Variants in SUGCT observed in about 807,000 individuals in gnomAD.
SUGCT encodes succinyl-CoA:glutarate-CoA transferase.
Under a neutral mutation model 55.0 loss-of-function variants are expected in SUGCT, and 41 were observed. That is an observed-to-expected ratio of 0.74 (90% CI 0.58 to 0.97). The LOEUF (loss-of-function observed/expected upper bound fraction) is 0.97. SUGCT is among the 50% of genes least tolerant of loss of function. The probability of loss-of-function intolerance (pLI) is 0.00; values close to 1 mark genes in which losing one functional copy is unlikely to be tolerated. For synonymous variants in SUGCT, 187 were observed against 200.4 expected (o/e 0.93, Z 0.56); for missense variants, 568 against 547.8 (o/e 1.04, Z -0.37).
chr7:40,631,330 T>C (rs1799779888), intron 12 of SUGCT, among the ~76,000 whole-genome samples: 1 of 152,214 alleles, frequency 6.6e-6, no homozygotes, highest in South Asian at 2.1e-4. Context: ...AGCTTGGCTG[T>C]GTATGGACGG....
chr7:40,151,923 C>T (rs1481867747), intron 1 of SUGCT, among the ~76,000 whole-genome samples: 3 of 152,032 alleles, frequency 2.0e-5, no homozygotes, highest in African/African-American at 4.8e-5. Flanking sequence ...TTGGATGGGT[C>T]AGAGATGAAG....
the SUGCT span, among the ~76,000 whole-genome samples, chr7:41,011,584 C>G: frequency 6.6e-6 from 1 of 152,150 alleles, no homozygotes; most frequent in Non-Finnish European, 1.5e-5. Context: ...ACAATATTTC[C>G]CAAGTGTTTC....
At chr7:40,252,034 A>G (rs1790458287) in intron 7 of SUGCT, among the ~76,000 whole-genome samples, 1 of 152,152 alleles carries the variant, frequency 6.6e-6, no homozygotes, top group South Asian at 2.1e-4. Context: ...AGAAAATTGA[A>G]GAGATTTTCA....
At chr7:40,412,067 G>A (rs2151345961) in intron 9 of SUGCT, among the ~76,000 whole-genome samples, 1 of 152,218 alleles carries the variant, frequency 6.6e-6, no homozygotes, top group South Asian at 2.1e-4. Context: ...TTCTTCGGCT[G>A]GGCATTCTTG....
intron 11 of SUGCT, among the ~76,000 whole-genome samples, chr7:40,471,127 A>G (rs1047327198): frequency 6.6e-6 from 1 of 152,094 alleles, no homozygotes; most frequent in Non-Finnish European, 1.5e-5. Context: ...TACTTTTTAA[A>G]CACATCAAAA....
At chr7:40,886,742 GGA>G in the SUGCT span, among the ~76,000 whole-genome samples, 1 of 152,136 alleles carries the variant, frequency 6.6e-6, no homozygotes, top group Non-Finnish European at 1.5e-5. Context: ...AAGATAATTT[GGA>G]GATACCCATG....
Position 40,743,756 on chromosome 7 carries a change from A to G in SUGCT, c.1090-5678A>G, listed in dbSNP as rs555384546. On this transcript the variant is annotated intron_variant, in intron 12 of 13. Coordinates refer to ENST00000335693, the MANE Select transcript of SUGCT (RefSeq NM_001193313.2). Reference sequence around the variant, plus strand: ...TGAAGCCAGAGTTTGAACCCAGTCTATTGGTAACAGGAAAAACAGTTGCCG... The same window carrying G: ...TGAAGCCAGAGTTTGAACCCAGTCTGTTGGTAACAGGAAAAACAGTTGCCG... 5.6e-4 allele frequency among the ~76,000 whole-genome samples: 85 copies of G among 152,276 alleles called. 1 individual carries two copies. The highest frequency in any genetic ancestry group is 1.8e-3 in the African/African-American group (75 of 41,554).
chr7:40,215,734 C>T (rs1047644343), intron 6 of SUGCT, among the ~76,000 whole-genome samples: 4 of 151,610 alleles, frequency 2.6e-5, no homozygotes, highest in Non-Finnish European at 5.9e-5. Context: ...AGGTGGCGGG[C>T]GCCTGTAGTC....
intron 12 of SUGCT, among the ~76,000 whole-genome samples, chr7:40,661,475 AT>A (rs1413027256): frequency 1.3e-5 from 2 of 152,156 alleles, no homozygotes; most frequent in Admixed American, 1.3e-4. Context: ...AATCCCCTTA[AT>A]TTGGTCCTTC....
At chr7:40,671,909 T>C in intron 12 of SUGCT, among the ~76,000 whole-genome samples, 1 of 152,152 alleles carries the variant, frequency 6.6e-6, no homozygotes. Context: ...ATTAGGAAAG[T>C]AGGAATTCGT....
At chr7:40,260,843 C>T (rs1007727507) in intron 7 of SUGCT, among the ~76,000 whole-genome samples, 3 of 151,458 alleles carry the variant, frequency 2.0e-5, no homozygotes, top group African/African-American at 7.3e-5. Flanking sequence ...GTTGGCCAGG[C>T]TGGTCTTGAA....
intron 12 of SUGCT, among the ~76,000 whole-genome samples, chr7:40,733,859 G>A (rs1404998055): frequency 6.6e-6 from 1 of 152,188 alleles, no homozygotes; most frequent in Non-Finnish European, 1.5e-5. Flanking sequence ...GTGGCTTCCT[G>A]ATGCTGAAAA....
chr7:40,572,397 T>C (rs1317961060), intron 12 of SUGCT, among the ~76,000 whole-genome samples: 1 of 152,156 alleles, frequency 6.6e-6, no homozygotes, highest in Non-Finnish European at 1.5e-5. Context: ...TCACTGGCTC[T>C]CAGGTGGCTC....
At chr7:40,160,885 T>C (rs529331762) in intron 1 of SUGCT, among the ~76,000 whole-genome samples, 2 of 152,198 alleles carry the variant, frequency 1.3e-5, no homozygotes, top group East Asian at 3.9e-4. Context: ...TTATGGAAGA[T>C]GATAGAGAAC....
the SUGCT span, among the ~76,000 whole-genome samples, chr7:40,982,100 T>C: frequency 6.6e-6 from 1 of 151,482 alleles, no homozygotes; most frequent in Non-Finnish European, 1.5e-5. Flanking sequence ...AAAATCAACC[T>C]CACAGAATTG....
At chr7:40,989,392 T>C in the SUGCT span, among the ~76,000 whole-genome samples, 7 of 152,202 alleles carry the variant, frequency 4.6e-5, no homozygotes, top group African/African-American at 1.7e-4. Context: ...AAATTTGTCT[T>C]TGTCATTTCA....
chr7:40,998,649 A>C, the SUGCT span, among the ~76,000 whole-genome samples: 2 of 152,214 alleles, frequency 1.3e-5, 1 homozygote, highest in South Asian at 4.1e-4. Flanking sequence ...TGATTTAATC[A>C]GCCTAGGTAA....
chr7:40,848,847 A>G (rs552127594), intron 13 of SUGCT, among the ~76,000 whole-genome samples: 4 of 152,286 alleles, frequency 2.6e-5, no homozygotes, highest in African/African-American at 9.6e-5. Context: ...CTAGTTAAAT[A>G]GCTTTCTCTG....
intron 11 of SUGCT, 69 bp from the exon 12 acceptor site, chr7:40,496,215 C>A: frequency 3.2e-6 from 3 of 938,434 alleles, no homozygotes; most frequent in Non-Finnish European, 5.1e-6. Context: ...TCAAAGAGGG[C>A]CACATGATAG....
Sources: allele counts gnomAD v4.1 joint callset (sites outside exome capture counted in the v4.1 genomes callset), GRCh38; gene constraint gnomAD v4.1.1; transcripts MANE v1.5; gene names NCBI Gene and HGNC (gene_info 2026-07-23, HGNC 2026-07-21).